Variants in GPC5 observed in about 807,000 individuals in gnomAD.
GPC5 encodes the protein glypican 5, also known as glypican-5.
In GPC5, 47 loss-of-function variants were observed where a neutral mutation model predicts 53.9. The observed-to-expected ratio is 0.87, with a 90% CI of 0.69 to 1.11. GPC5 has a LOEUF of 1.11. Ranked by LOEUF, GPC5 falls within the 50% of genes most tolerant of loss-of-function variation. The pLI, the probability that GPC5 is intolerant of heterozygous loss-of-function variation, is 0.00. For missense variants in GPC5, 748 were observed against 713.1 expected (o/e 1.05, Z -0.56); for synonymous variants, 286 against 263.3 (o/e 1.09, Z -0.84).
At chr13:92,364,171 C>T (rs372876761) in intron 7 of GPC5, among the ~76,000 whole-genome samples, 3 of 151,722 alleles carry the variant, frequency 2.0e-5, no homozygotes, top group South Asian at 4.1e-4. Context: ...TGCAAAGATA[C>T]CCTACAGGGT....
At chr13:92,119,485 G>GC (rs1198708990) in intron 6 of GPC5, among the ~76,000 whole-genome samples, 3 of 128,028 alleles carry the variant, frequency 2.3e-5, no homozygotes, top group South Asian at 2.7e-4. Flanking sequence ...TGCAGGCTCC[G>GC]CCCCCCGGGG....
At chr13:92,261,200 C>A (rs1468694005) in intron 7 of GPC5, among the ~76,000 whole-genome samples, 1 of 152,082 alleles carries the variant, frequency 6.6e-6, no homozygotes, top group African/African-American at 2.4e-5. Context: ...GACAACTGAA[C>A]ACTAGTTACC....
chr13:91,422,035 A>T (rs1375158480), intron 1 of GPC5, among the ~76,000 whole-genome samples: 1 of 152,186 alleles, frequency 6.6e-6, no homozygotes, highest in African/African-American at 2.4e-5. Context: ...CACCTTTCTG[A>T]TGATGATCCT....
intron 7 of GPC5, among the ~76,000 whole-genome samples, chr13:92,479,165 G>A (rs913796444): frequency 2.6e-5 from 4 of 152,250 alleles, no homozygotes; most frequent in South Asian, 4.1e-4. Context: ...ACTGGTTAAA[G>A]CACAGGAATT....
At chr13:91,610,267 T>C (rs1243011937) in intron 2 of GPC5, among the ~76,000 whole-genome samples, 1 of 152,216 alleles carries the variant, frequency 6.6e-6, no homozygotes, top group Non-Finnish European at 1.5e-5. Context: ...TTGTCAAACT[T>C]CTGTCACTTT....
chr13:91,746,074 G>A (rs1463604559), intron 4 of GPC5, among the ~76,000 whole-genome samples: 1 of 152,200 alleles, frequency 6.6e-6, no homozygotes, highest in Non-Finnish European at 1.5e-5. Flanking sequence ...CAAGAGAAAA[G>A]AGTTCTTATC....
chr13:92,812,978 T>C (rs1877347472), intron 7 of GPC5, among the ~76,000 whole-genome samples: 1 of 152,026 alleles, frequency 6.6e-6, no homozygotes, highest in Non-Finnish European at 1.5e-5. Flanking sequence ...TAAAATTTAA[T>C]TCACCAATTC....
intron 6 of GPC5, among the ~76,000 whole-genome samples, chr13:92,125,691 TTCTG>T (rs1463975051): frequency 6.6e-6 from 1 of 152,132 alleles, no homozygotes; most frequent in Non-Finnish European, 1.5e-5. Flanking sequence ...AACAATTACT[TTCTG>T]AGCATCTGTG....
At chr13:91,922,399 C>G (rs1181255907) in intron 6 of GPC5, among the ~76,000 whole-genome samples, 1 of 152,040 alleles carries the variant, frequency 6.6e-6, no homozygotes, top group Non-Finnish European at 1.5e-5. Context: ...TCTAATTGCT[C>G]CCCTTGTCTG....
intron 6 of GPC5, among the ~76,000 whole-genome samples, chr13:91,929,788 T>G (rs2039804125): frequency 6.8e-6 from 1 of 146,394 alleles, no homozygotes; most frequent in Admixed American, 6.9e-5. Context: ...ATCATAGATT[T>G]CCTTTTTGTC....
intron 5 of GPC5, among the ~76,000 whole-genome samples, chr13:91,861,689 A>G (rs1426662742): frequency 1.3e-5 from 2 of 149,676 alleles, no homozygotes; most frequent in Non-Finnish European, 3.0e-5. Flanking sequence ...CAATTGGATA[A>G]TTTAGTTCAT....
At chr13:92,643,878 A>T (rs1419734739) in intron 7 of GPC5, among the ~76,000 whole-genome samples, 3 of 131,332 alleles carry the variant, frequency 2.3e-5, no homozygotes, top group African/African-American at 2.5e-5. Context: ...AAAGTATAAT[A>T]AAAAAAGAAC....
intron 6 of GPC5, among the ~76,000 whole-genome samples, chr13:92,134,942 A>G (rs1410216193): frequency 7.2e-5 from 11 of 152,166 alleles, no homozygotes; most frequent in Admixed American, 7.2e-4. Flanking sequence ...TATGCATCAC[A>G]TACTGCATAA....
intron 1 of GPC5, among the ~76,000 whole-genome samples, chr13:91,419,821 A>C (rs1878482898): frequency 6.6e-6 from 1 of 152,224 alleles, no homozygotes. Flanking sequence ...GCCATTACCT[A>C]TGGAATGCTT....
At chr13:91,521,968 C>T (rs997733764) in intron 2 of GPC5, among the ~76,000 whole-genome samples, 3 of 152,166 alleles carry the variant, frequency 2.0e-5, no homozygotes, top group African/African-American at 7.2e-5. Flanking sequence ...TGTCTGTCTA[C>T]CAGTTTATTA....
intron 6 of GPC5, among the ~76,000 whole-genome samples, chr13:92,026,163 GT>G (rs1339332701): frequency 2.0e-5 from 3 of 151,878 alleles, no homozygotes; most frequent in Non-Finnish European, 4.4e-5. Flanking sequence ...CTAAATCCTT[GT>G]TTTTCTAGAG....
chr13:92,012,945 G>A (rs556079303), intron 6 of GPC5, among the ~76,000 whole-genome samples: 36 of 152,296 alleles, frequency 2.4e-4, no homozygotes, highest in South Asian at 1.7e-3. Flanking sequence ...GTGCATGTGG[G>A]ACCTGGCCAG....
chr13:92,487,064 C>T (rs1164335547), intron 7 of GPC5, among the ~76,000 whole-genome samples: 1 of 152,112 alleles, frequency 6.6e-6, no homozygotes, highest in African/African-American at 2.4e-5. Flanking sequence ...CCATGCTGGC[C>T]AGGCTGGTCT....
intron 4 of GPC5, among the ~76,000 whole-genome samples, chr13:91,735,407 G>A (rs2174503): frequency 0.21 from 31,147 of 150,690 alleles, 4,191 homozygotes; most frequent in Middle Eastern, 0.29. Context: ...CTGGCCTATC[G>A]TCTGTTAATA....
Sources: allele counts gnomAD v4.1 joint callset (sites outside exome capture counted in the v4.1 genomes callset), GRCh38; gene constraint gnomAD v4.1.1; transcripts MANE v1.5; gene names NCBI Gene and HGNC (gene_info 2026-07-23, HGNC 2026-07-21).